ARNT2: variants seen among roughly 807,000 people sequenced by gnomAD.
ARNT2 encodes the protein aryl hydrocarbon receptor nuclear translocator 2, also known as ARNT protein 2.
A neutral mutation model predicts 91.7 loss-of-function variants in ARNT2; 36 were observed. The ratio of observed to expected loss-of-function variants is 0.39; its 90% CI spans 0.30 to 0.52. ARNT2 has a LOEUF of 0.52. Ranked by LOEUF, ARNT2 falls within the 20% of genes least tolerant of loss-of-function variation. ARNT2 has a pLI of 0.72. For missense variants in ARNT2, 775 were observed against 939.3 expected, an observed-to-expected ratio of 0.83 and a Z score of 2.29; for synonymous variants, 365 against 347.1, an observed-to-expected ratio of 1.05 and a Z score of -0.57.
intron 8 of ARNT2, among the ~76,000 whole-genome samples, chr15:80,531,109 G>C (rs1204569667): frequency 6.6e-6 from 1 of 152,244 alleles, no homozygotes; most frequent in African/African-American, 2.4e-5. Context: ...GCTCGTAGCA[G>C]AAGGTGGTTT....
chr15:80,567,691 T>A (rs1451361777), intron 12 of ARNT2, among the ~76,000 whole-genome samples: 1 of 152,216 alleles, frequency 6.6e-6, no homozygotes, highest in Admixed American at 6.5e-5. Context: ...GGGGGTGGCC[T>A]ACGTAGTTCC....
chr15:80,450,381 G>A (rs1896370251), intron 1 of ARNT2, among the ~76,000 whole-genome samples: 1 of 152,214 alleles, frequency 6.6e-6, no homozygotes. Context: ...CAGGGCTTCT[G>A]AGTCCAGAGT....
intron 1 of ARNT2, among the ~76,000 whole-genome samples, chr15:80,406,687 C>G (rs1328883465): frequency 6.6e-5 from 10 of 152,180 alleles, no homozygotes; most frequent in Non-Finnish European, 1.5e-4. Flanking sequence ...TTGAATGGTA[C>G]AAGCATAGGG....
chr15:80,509,540 C>G (rs982472421), intron 6 of ARNT2, among the ~76,000 whole-genome samples: 1 of 152,064 alleles, frequency 6.6e-6, no homozygotes, highest in Non-Finnish European at 1.5e-5. Context: ...ACAAAGTAGA[C>G]AAAAGTACCA....
chr15:80,579,503 C>CT (rs35754988), intron 15 of ARNT2, among the ~76,000 whole-genome samples: 13 of 151,954 alleles, frequency 8.6e-5, no homozygotes, highest in South Asian at 2.1e-4. Context: ...TCTGGCTTGC[C>CT]TTTTTTTTAA....
chr15:80,413,747 G>A (rs1895723975), intron 1 of ARNT2, among the ~76,000 whole-genome samples: 1 of 152,210 alleles, frequency 6.6e-6, no homozygotes, highest in Admixed American at 6.5e-5. Context: ...TGGAAACCCA[G>A]CTCTTCGGGT....
chr15:80,493,621 T>C (rs1897085982), intron 5 of ARNT2, among the ~76,000 whole-genome samples: 1 of 152,208 alleles, frequency 6.6e-6, no homozygotes, highest in Admixed American at 6.5e-5. Context: ...GTCACTTGTC[T>C]TCTGCTTCCT....
At position 80,463,576 on chromosome 15, in the gene ARNT2, T is replaced by C. The variant is rs1429388888; in HGVS notation, c.194+5600T>C. 2.9e-3 allele frequency among the ~76,000 whole-genome samples: 6 copies of C among 2,086 alleles called. No individual in the cohort carries two copies. The African/African-American group carries it at 0.041, about 14-fold the overall frequency. The allele number at this position is 2,086 out of a possible 152,430, so 1.4% of individuals were successfully genotyped here. A position where few individuals can be genotyped will look rare whatever the true frequency, so the allele number is the denominator to read the frequency against. ...ATGCTGATATGGATGGGTGATTTCC[T>C]TTTTTTTTTTTTTTTTTTTGAGACG... is the stretch of plus-strand genomic sequence containing the variant. On this transcript the variant is annotated intron_variant, in intron 3 of 18. Coordinates refer to ENST00000303329, the MANE Select transcript of ARNT2 (RefSeq NM_014862.4).
intron 1 of ARNT2, among the ~76,000 whole-genome samples, chr15:80,432,566 G>A (rs1473561675): frequency 2.0e-5 from 3 of 152,140 alleles, no homozygotes; most frequent in Non-Finnish European, 2.9e-5. Flanking sequence ...GCGTTGAGTA[G>A]TTGCCACAGA....
chr15:80,504,168 T>C (rs990102745), intron 5 of ARNT2, among the ~76,000 whole-genome samples: 1 of 152,218 alleles, frequency 6.6e-6, no homozygotes, highest in African/African-American at 2.4e-5. Context: ...TTTCAAATGA[T>C]AGAAACCCTT....
intron 8 of ARNT2, among the ~76,000 whole-genome samples, chr15:80,535,980 T>C (rs1438745419): frequency 6.6e-6 from 1 of 152,246 alleles, no homozygotes; most frequent in East Asian, 1.9e-4. Context: ...TAGCTGACAC[T>C]TCTTGTTTCT....
chr15:80,418,560 G>T (rs1474337214), intron 1 of ARNT2, among the ~76,000 whole-genome samples: 3 of 152,180 alleles, frequency 2.0e-5, no homozygotes, highest in South Asian at 4.1e-4. Context: ...GTGGGGTAAG[G>T]TTCCCACTGT....
chr15:80,408,731 A>C (rs1895640178), intron 1 of ARNT2, among the ~76,000 whole-genome samples: 1 of 152,196 alleles, frequency 6.6e-6, no homozygotes, highest in Non-Finnish European at 1.5e-5. Context: ...CGAGCCCATC[A>C]GTTGCAGGAC....
chr15:80,487,537 T>C (rs1189264300), intron 5 of ARNT2, among the ~76,000 whole-genome samples: 1 of 152,240 alleles, frequency 6.6e-6, no homozygotes, highest in Non-Finnish European at 1.5e-5. Flanking sequence ...AGTCTGTGAC[T>C]GACACCTGGC....
At chr15:80,587,261 G>T (rs561242773) in intron 17 of ARNT2, among the ~76,000 whole-genome samples, 1 of 152,050 alleles carries the variant, frequency 6.6e-6, no homozygotes, top group South Asian at 2.1e-4. Context: ...TGACATTTTA[G>T]GCTGGATAAT....
chr15:80,540,707 C>A (rs1004581106), intron 8 of ARNT2, among the ~76,000 whole-genome samples: 43 of 152,096 alleles, frequency 2.8e-4, no homozygotes, highest in African/African-American at 1.0e-3. Context: ...TCCATGAGTA[C>A]CCAATGTTTA....
At chr15:80,519,940 C>T (rs534655603) in intron 8 of ARNT2, among the ~76,000 whole-genome samples, 9 of 149,586 alleles carry the variant, frequency 6.0e-5, no homozygotes, top group South Asian at 2.1e-4. Flanking sequence ...CCTCATGCTC[C>T]GCCCGCTTTG....
intron 1 of ARNT2, among the ~76,000 whole-genome samples, chr15:80,406,666 CTG>C: frequency 6.6e-6 from 1 of 152,180 alleles, no homozygotes; most frequent in Non-Finnish European, 1.5e-5. Flanking sequence ...GTGCCTTGGA[CTG>C]CGGGAGACTT....
At chr15:80,472,032 C>T (rs1248935834) in intron 4 of ARNT2, among the ~76,000 whole-genome samples, 20 of 152,036 alleles carry the variant, frequency 1.3e-4, no homozygotes, top group Admixed American at 1.3e-3. Flanking sequence ...AAGCTTTTTG[C>T]TTTCCTGTCT....
Sources: gnomAD v4.1 joint callset for allele counts (sites outside exome capture counted in the v4.1 genomes callset) on GRCh38, gnomAD v4.1.1 for gene constraint, MANE v1.5 for transcripts, NCBI Gene and HGNC (gene_info 2026-07-23, HGNC 2026-07-21) for gene names.